The following COL4A4 variants were observed in gnomAD, a reference collection of about 807,000 sequenced individuals.
The protein encoded by COL4A4 is collagen alpha-4(IV) chain.
COL4A4 carries 105 observed loss-of-function variants against 192.9 expected under a neutral mutation model. The ratio of observed to expected loss-of-function variants is 0.54; its 90% confidence interval spans 0.46 to 0.64. The LOEUF is 0.64. Among genes scored for constraint, COL4A4 ranks in the 30% least tolerant of loss-of-function variants. The probability of loss-of-function intolerance (pLI) is 0.00; values close to 1 mark genes in which losing one functional copy is unlikely to be tolerated. For synonymous variants in COL4A4, 762 were observed against 769.9 expected (o/e 0.99, Z 0.17); for missense variants, 1,967 against 2,169.3 (o/e 0.91, Z 1.85).
Position 227,109,242 on chromosome 2 carries a change from A to G in COL4A4, c.639T>C (p.Pro213=). 1.9e-6 allele frequency: 3 copies of G among 1,614,092 alleles called. No homozygotes were observed. Among genetic ancestry groups the G allele is most frequent in the Admixed American group, 3.3e-5 (2 of 60,028 alleles). The change falls in exon 10 of 48, where the codon CCT becomes CCC. Residue 213 remains proline, a synonymous_variant. Coordinates refer to ENST00000396625, the MANE Select transcript of COL4A4 (RefSeq NM_000092.5). ...TACTTACCACTAACCCTGGCTCTCC[A>G]GGATATCCTGTGGGACCTGCCGGTC... ...AGGPAGPTGY[P]GEPGLVGPPG...
chr2:226,975,531 C>G, the COL4A4 span, among the ~76,000 whole-genome samples: 3 of 152,120 alleles, frequency 2.0e-5, no homozygotes, highest in Non-Finnish European at 4.4e-5. Context: ...CCAGGCCAGT[C>G]CTACTCAGAT....
chr2:226,982,660 C>T, the COL4A4 span, among the ~76,000 whole-genome samples: 1 of 152,198 alleles, frequency 6.6e-6, no homozygotes, highest in Non-Finnish European at 1.5e-5. Flanking sequence ...GTAGCCCCCA[C>T]TCACCTGTTC....
intron 8 of COL4A4, among the ~76,000 whole-genome samples, chr2:227,113,347 T>G (rs368565263): frequency 2.8e-4 from 43 of 152,336 alleles, no homozygotes; most frequent in African/African-American, 9.9e-4. Flanking sequence ...CTGTTTCCCC[T>G]TAAGATAAGG....
At chr2:227,036,302 C>T (rs1270272808) in intron 37 of COL4A4, among the ~76,000 whole-genome samples, 1 of 152,204 alleles carries the variant, frequency 6.6e-6, no homozygotes, top group Non-Finnish European at 1.5e-5. Context: ...CACTCTCAGG[C>T]TGTATTTTGT....
At chr2:226,975,229 A>G in the COL4A4 span, among the ~76,000 whole-genome samples, 1 of 152,210 alleles carries the variant, frequency 6.6e-6, no homozygotes, top group Non-Finnish European at 1.5e-5. Context: ...GAAAAGGTGG[A>G]ATCGATGCCC....
chr2:227,160,318 T>G (rs2064719255), intron 1 of COL4A4, among the ~76,000 whole-genome samples: 1 of 152,210 alleles, frequency 6.6e-6, no homozygotes, highest in Admixed American at 6.5e-5. Flanking sequence ...TCCCACTCTT[T>G]CCAGGCATGT....
intron 17 of COL4A4, among the ~76,000 whole-genome samples, chr2:227,100,188 TAAAAAG>T (rs1358053579): frequency 6.6e-6 from 1 of 152,088 alleles, no homozygotes; most frequent in Non-Finnish European, 1.5e-5. Flanking sequence ...TCACAAAAGT[TAAAAAG>T]GAAAGAAAAA....
the COL4A4 span, among the ~76,000 whole-genome samples, chr2:226,982,350 C>A: frequency 2.0e-5 from 3 of 152,224 alleles, no homozygotes; most frequent in Admixed American, 6.5e-5. Flanking sequence ...CGCAGATAAT[C>A]TCAGGGACAA....
chr2:227,038,286 G>T (rs1970090839), intron 37 of COL4A4, among the ~76,000 whole-genome samples: 1 of 152,126 alleles, frequency 6.6e-6, no homozygotes, highest in Non-Finnish European at 1.5e-5. Context: ...TCTGAATATG[G>T]CTAGCCAGTT....
At chr2:227,002,084 C>A (rs1210952983), downstream of COL4A4, among the ~76,000 whole-genome samples, 3 of 146,734 alleles carry the variant, frequency 2.0e-5, no homozygotes, top group Admixed American at 2.1e-4. Context: ...GCAGGAGGAT[C>A]ATTCGAGCCT....
chr2:227,110,339 C>T lies in COL4A4; in HGVS notation c.595-1053G>A, dbSNP rs77493621. ...CTTCAATCGTAGTAAGGAAACCAGC[C>T]CAGGAAAGTCGTTCCATCACTAGCC... On this transcript the variant is annotated intron_variant, in intron 9 of 47. Coordinates refer to ENST00000396625, the MANE Select transcript of COL4A4 (RefSeq NM_000092.5). Among the ~76,000 whole-genome samples the T allele has an allele frequency of 3.8e-3, 580 of 152,250 alleles. 3 individuals are homozygous for T. Among genetic ancestry groups the T allele is most frequent in the African/African-American group, 0.013 (533 of 41,536 alleles).
the COL4A4 span, among the ~76,000 whole-genome samples, chr2:226,991,851 C>T: frequency 2.6e-5 from 4 of 152,166 alleles, no homozygotes; most frequent in Non-Finnish European, 5.9e-5. Flanking sequence ...CCTCCTCTCA[C>T]GTATGAGTCA....
chr2:227,007,646 A>G (rs1962455159), intron 47 of COL4A4, 58 bp from the exon 48 acceptor site: 9 of 1,607,316 alleles, frequency 5.6e-6, no homozygotes, highest in Non-Finnish European at 6.8e-6. Flanking sequence ...CCCCAGACCC[A>G]ATCAGGGACA....
intron 28 of COL4A4, among the ~76,000 whole-genome samples, chr2:227,057,841 G>A (rs180889163): frequency 1.3e-5 from 2 of 152,344 alleles, no homozygotes; most frequent in Admixed American, 6.5e-5. Context: ...AGTTGCCTAT[G>A]CAAATAAGAA....
At chr2:227,066,785 A>C (rs1327206089) in intron 25 of COL4A4, among the ~76,000 whole-genome samples, 1 of 152,046 alleles carries the variant, frequency 6.6e-6, no homozygotes, top group Non-Finnish European at 1.5e-5. Flanking sequence ...AAGACCATCG[A>C]GACTAGGAAG....
At chr2:227,156,504 G>A (rs577260468) in intron 1 of COL4A4, among the ~76,000 whole-genome samples, 1 of 149,060 alleles carries the variant, frequency 6.7e-6, no homozygotes, top group African/African-American at 2.5e-5. Flanking sequence ...AAAAAAAATA[G>A]GAATAAGCTA....
At position 227,088,716 on chromosome 2, in the gene COL4A4, A is replaced by C. The variant is rs374935235; in HGVS notation, c.1560T>G (p.Pro520=). Residue 520 remains proline (P), a synonymous_variant, in exon 22 of 48, where the codon CCT becomes CCG. Transcript: ENST00000396625. Reference sequence around the variant, plus strand: ...GGTCACCTTTTGTTCCAAGCCAGCCAGGGAGCCCCAAGTCTCCCTTACTCC... The same window carrying C: ...GGTCACCTTTTGTTCCAAGCCAGCCCGGGAGCCCCAAGTCTCCCTTACTCC... ...RQGSKGDLGL[P]GWLGTKGDPG... is the part of the protein sequence containing the mutation. The C allele has an allele frequency of 5.5e-5, 88 of 1,614,178 alleles. No individual in the cohort carries two copies. The highest frequency in any genetic ancestry group is 6.5e-5 in the Non-Finnish European group (77 of 1,180,014).
intron 13 of COL4A4, 138 bp downstream of exon 13, chr2:227,103,834 A>G: frequency 4.2e-6 from 3 of 722,616 alleles, no homozygotes; most frequent in Non-Finnish European, 7.4e-6. Context: ...GGCCAACAGT[A>G]GTACCAACTT....
intron 36 of COL4A4, 28 bp from the exon 37 acceptor site, chr2:227,042,283 T>C (rs1397027069): frequency 7.7e-7 from 1 of 1,292,104 alleles, no homozygotes; most frequent in African/African-American, 1.5e-5. Flanking sequence ...GTTTTGCAGA[T>C]GGCCAGATAA....
Sources: allele counts gnomAD v4.1 joint callset (sites outside exome capture counted in the v4.1 genomes callset), GRCh38; gene constraint gnomAD v4.1.1; transcripts MANE v1.5; gene names NCBI Gene and HGNC (gene_info 2026-07-23, HGNC 2026-07-21).